Variants in LRATD1 observed in about 807,000 individuals in gnomAD.
LRATD1 encodes the protein protein LRATD1.
Under a neutral mutation model 21.3 loss-of-function variants are expected in LRATD1, and 8 were observed. That is an observed-to-expected ratio of 0.38 (90% confidence interval 0.22 to 0.68). The LOEUF (loss-of-function observed/expected upper bound fraction) is 0.68. LRATD1 is among the 30% of genes least tolerant of loss of function. The pLI is 0.54. For missense variants in LRATD1, 380 were observed against 404.0 expected (o/e 0.94, Z 0.51); for synonymous variants, 210 against 186.2 (o/e 1.13, Z -1.04).
Position 14,633,093 on chromosome 2 carries a change from T to A in LRATD1, c.-37+156T>A, listed in dbSNP as rs1444334326. ...CCACACCCACACACATACACTGCAC[T>A]GGCTTTCTCCATCCTTCCCCTGCCT... On this transcript the variant is annotated intron_variant, in intron 1 of 1. Transcript: ENST00000295092. This position sits in a 1 kb window ranked among gnomAD's most constrained non-coding sequence, Gnocchi z 7.5. Among the ~76,000 whole-genome samples the A allele has an allele frequency of 6.6e-6, 1 of 152,158 alleles. No individual in the cohort carries two copies. Among genetic ancestry groups the A allele is most frequent in the Non-Finnish European group, 1.5e-5 (1 of 68,024 alleles).
chr2:14,647,498 C>T (rs1464908847), intron 4 of LRATD1, among the ~76,000 whole-genome samples: 1 of 152,010 alleles, frequency 6.6e-6, no homozygotes, highest in African/African-American at 2.4e-5. Flanking sequence ...TTACCCTCCC[C>T]AAATCCATAT....
chr2:14,647,954 C>G (rs1558258293), intron 4 of LRATD1, among the ~76,000 whole-genome samples: 1 of 152,164 alleles, frequency 6.6e-6, no homozygotes, highest in Non-Finnish European at 1.5e-5. Context: ...TCCTACCCTT[C>G]ACTGAGAACT....
At chr2:14,649,431 C>A (rs1045508400) in exon 5 of LRATD1, 2 of 451,884 alleles carry the variant, frequency 4.4e-6, no homozygotes, top group Non-Finnish European at 8.9e-6. Flanking sequence ...TTTCAGCAAC[C>A]ATATCCTCCC....
downstream of LRATD1, among the ~76,000 whole-genome samples, chr2:14,651,427 C>T (rs540967846): frequency 6.6e-6 from 1 of 152,272 alleles, no homozygotes; most frequent in African/African-American, 2.4e-5. Flanking sequence ...GCTAGGTCAT[C>T]AGACATACAT....
chr2:14,645,699 C>A lies in LRATD1; in HGVS notation n.259-405C>A, dbSNP rs11892459. Among the ~76,000 whole-genome samples the A allele has an allele frequency of 9.3e-3, 1,417 of 152,186 alleles. 24 individuals are homozygous for A. Among genetic ancestry groups the A allele is most frequent in the African/African-American group, 0.033 (1,384 of 41,514 alleles). On this transcript the variant is annotated intron_variant and non_coding_transcript_variant, in intron 2 of 5. Transcript: ENST00000464947. Reference sequence around the variant, plus strand: ...TTTATATAATATCTTAAGTCTCCAACCTTATAGGGCCACAATGATTTTGTT... The same window carrying A: ...TTTATATAATATCTTAAGTCTCCAAACTTATAGGGCCACAATGATTTTGTT...
downstream of LRATD1, among the ~76,000 whole-genome samples, chr2:14,644,130 A>C (rs773389508): frequency 8.5e-5 from 13 of 152,128 alleles, no homozygotes; most frequent in Non-Finnish European, 1.6e-4. Flanking sequence ...GTGGATACAA[A>C]GCATAGTCTA....
rs1032335123 is a variant in LRATD1 at position 14,635,267 on chromosome 2, G to T, written c.*409G>T. On this transcript the variant is annotated 3_prime_UTR_variant, in exon 2 of 2. Transcript: ENST00000295092. The stretch of plus-strand genomic sequence containing the variant: ...TCTCAAAAGGGACCATCACCGCCCC[G>T]AGCGTGCGCACACAGACCGGTCGGA... The T allele has an allele frequency of 4.0e-6, 2 of 505,390 alleles. No individual in the cohort carries two copies. Among genetic ancestry groups the T allele is most frequent in the South Asian group, 1.5e-5 (1 of 64,848 alleles). The allele number at this position is 505,390 out of a possible 1,614,324, so 31.3% of individuals were successfully genotyped here. A position where few individuals can be genotyped will look rare whatever the true frequency, so the allele number is the denominator to read the frequency against.
In LRATD1 at chr2:14,634,689, A is replaced by C; in HGVS notation, c.710A>C (p.Gln237Pro). The change falls in exon 2 of 2, where the codon CAG becomes CCG. Residue 237 changes from glutamine (Q) to proline (P), a missense_variant. Gln to Pro is a moderately conservative substitution (Grantham distance 76). Coordinates refer to ENST00000295092, the MANE Select transcript of LRATD1 (RefSeq NM_145175.4). The stretch of plus-strand genomic sequence containing the variant: ...GGAGGGGAGGTGCCGGCAGGCACGC[A>C]GCCCCCGCAGCAGCAGTACTATCTC... ...KAGGEVPAGTQPPQQQYYLKV... is the reference protein window; with the variant it reads ...KAGGEVPAGTPPPQQQYYLKV... 1 of 1,547,040 alleles carries C rather than the reference A, an allele frequency of 6.5e-7. No individual in the cohort carries two copies. The highest frequency in any genetic ancestry group is 2.0e-5 in the Admixed American group (1 of 50,866).
In LRATD1 at chr2:14,639,237, A is replaced by T. The variant is rs1349484156; in HGVS notation, c.*4379A>T. 1 of 167,072 alleles carries T rather than the reference A, an allele frequency of 6.0e-6. No homozygotes were observed. Among genetic ancestry groups the T allele is most frequent in the Non-Finnish European group, 1.5e-5 (1 of 68,100 alleles). 10.3% of individuals were successfully genotyped at this position (167,072 alleles called of 1,614,324 possible). A position where few individuals can be genotyped will look rare whatever the true frequency, so the allele number is the denominator to read the frequency against. Reference sequence around the variant, plus strand: ...ACAGCAAGCAGCTATGTCTAAAGCTAACAATAAAAAGAAAATGTGGGAGTT... The same window carrying T: ...ACAGCAAGCAGCTATGTCTAAAGCTTACAATAAAAAGAAAATGTGGGAGTT... On this transcript the variant is annotated 3_prime_UTR_variant, in exon 2 of 2. Coordinates refer to ENST00000295092, the MANE Select transcript of LRATD1 (RefSeq NM_145175.4).
At position 14,632,886 on chromosome 2, in the gene LRATD1, G is replaced by C. The variant is rs1671584493; in HGVS notation, c.-88G>C. ...ACCGCCGCTTCCTCAGCACCCATGG[G>C]GACCAGGAGACTTTAAAGGAGTTTG... is the stretch of plus-strand genomic sequence containing the variant. On this transcript the variant is annotated 5_prime_UTR_variant, in exon 1 of 2. Transcript: ENST00000295092. The C allele has an allele frequency of 6.5e-6, 1 of 152,918 alleles. No homozygotes were observed. Among genetic ancestry groups the C allele is most frequent in the Non-Finnish European group, 1.5e-5 (1 of 68,608 alleles). The allele number at this position is 152,918 out of a possible 1,614,324, so 9.5% of individuals were successfully genotyped here.
Position 14,635,355 on chromosome 2 carries a change from G to C in LRATD1, c.*497G>C. The C allele has an allele frequency of 2.1e-6, 1 of 475,438 alleles. No individual in the cohort carries two copies. Among genetic ancestry groups the C allele is most frequent in the South Asian group, 1.5e-5 (1 of 64,610 alleles). 29.5% of individuals were successfully genotyped at this position (475,438 alleles called of 1,614,324 possible). On this transcript the variant is annotated 3_prime_UTR_variant, in exon 2 of 2. Coordinates refer to ENST00000295092, the MANE Select transcript of LRATD1 (RefSeq NM_145175.4). ...TCTGTGGATGCGTCCCCAGATCGCA[G>C]GATTTCCAAGAAATCGAGCCTGTCC... is the stretch of plus-strand genomic sequence containing the variant.
chr2:14,640,505 T>C (rs757431912), downstream of LRATD1, among the ~76,000 whole-genome samples: 2 of 152,208 alleles, frequency 1.3e-5, no homozygotes, highest in African/African-American at 2.4e-5. Flanking sequence ...TTGAGCATCA[T>C]TTAATGTTTC....
At chr2:14,643,702 C>T (rs960975680), downstream of LRATD1, among the ~76,000 whole-genome samples, 1 of 152,154 alleles carries the variant, frequency 6.6e-6, no homozygotes, top group Non-Finnish European at 1.5e-5. Flanking sequence ...CCTACAACAC[C>T]CCCTACAAAA....
At chr2:14,645,875 A>G (rs1014215595) in intron 2 of LRATD1, among the ~76,000 whole-genome samples, 1 of 152,198 alleles carries the variant, frequency 6.6e-6, no homozygotes, top group African/African-American at 2.4e-5. Context: ...TACATAGTCA[A>G]TTGTCCTCAT....
In LRATD1 at chr2:14,636,886, T is replaced by A. The variant is rs778926985; in HGVS notation, c.*2028T>A. On this transcript the variant is annotated 3_prime_UTR_variant, in exon 2 of 2. Coordinates refer to ENST00000295092, the MANE Select transcript of LRATD1 (RefSeq NM_145175.4). ...CTTTTTTTTTCTTTGGTTTTCATCC[T>A]GGATTCATCCCCTGATCTTAAATCA... is the stretch of plus-strand genomic sequence containing the variant. 1 of 167,206 alleles carries A rather than the reference T, an allele frequency of 6.0e-6. No individual in the cohort carries two copies. The highest frequency in any genetic ancestry group is 1.9e-4 in the East Asian group (1 of 5,192). The allele number at this position is 167,206 out of a possible 1,614,324, so 10.4% of individuals were successfully genotyped here. A position where few individuals can be genotyped will look rare whatever the true frequency, so the allele number is the denominator to read the frequency against.
In LRATD1 at chr2:14,633,158, C is replaced by A. The variant is rs1450562989; in HGVS notation, c.-37+221C>A. On this transcript the variant is annotated intron_variant, in intron 1 of 1. Coordinates refer to ENST00000295092, the MANE Select transcript of LRATD1 (RefSeq NM_145175.4). This position sits in a 1 kb window ranked among gnomAD's most constrained non-coding sequence, Gnocchi z 7.5. ...TTTAGACAGAGCAGCCTCGCCCTGGCGCAGTCCCATTGGCCCTGATGGGGA... is the reference window on the plus strand; with the variant it reads ...TTTAGACAGAGCAGCCTCGCCCTGGAGCAGTCCCATTGGCCCTGATGGGGA... 6.6e-6 allele frequency among the ~76,000 whole-genome samples: 1 copy of A among 152,192 alleles called. No homozygotes were observed. Among genetic ancestry groups the A allele is most frequent in the African/African-American group, 2.4e-5 (1 of 41,462 alleles).
intron 2 of LRATD1, among the ~76,000 whole-genome samples, chr2:14,645,129 A>C (rs1671872153): frequency 2.0e-5 from 3 of 152,214 alleles, no homozygotes; most frequent in Admixed American, 2.0e-4. Context: ...AGAAAAACAA[A>C]TCTGAGCCTC....
At chr2:14,651,187 G>A (rs1407652601), downstream of LRATD1, among the ~76,000 whole-genome samples, 2 of 151,964 alleles carry the variant, frequency 1.3e-5, no homozygotes, top group Non-Finnish European at 1.5e-5. Flanking sequence ...TTGTGCTATG[G>A]ATCTCATATT....
intron 4 of LRATD1, among the ~76,000 whole-genome samples, chr2:14,647,761 A>C (rs1671920391): frequency 6.6e-6 from 1 of 152,148 alleles, no homozygotes; most frequent in African/African-American, 2.4e-5. Context: ...CAGAACTGTG[A>C]GGATAAGTCA....
Sources: gnomAD v4.1 joint callset for allele counts (sites outside exome capture counted in the v4.1 genomes callset) on GRCh38, gnomAD v4.1.1 for gene constraint, Gnocchi (gnomAD v3.1) non-coding constraint, MANE v1.5 for transcripts, NCBI Gene and HGNC (gene_info 2026-07-23, HGNC 2026-07-21) for gene names.